Variants in SMOC2 observed in about 807,000 individuals in gnomAD.
SMOC2 encodes the protein SPARC-related modular calcium-binding protein 2.
SMOC2 carries 39 observed loss-of-function variants against 61.4 expected under a neutral mutation model. That is an observed-to-expected ratio of 0.64 (90% CI 0.49 to 0.83). The LOEUF is 0.83. Ranked by LOEUF, SMOC2 falls within the 40% of genes least tolerant of loss-of-function variation. The pLI, the probability that SMOC2 is intolerant of heterozygous loss-of-function variation, is 0.00. For synonymous variants in SMOC2, 247 were observed against 239.9 expected (o/e 1.03, Z -0.27); for missense variants, 556 against 592.9 (o/e 0.94, Z 0.65).
intron 2 of SMOC2, among the ~76,000 whole-genome samples, chr6:168,518,014 T>A (rs1783186282): frequency 6.6e-6 from 1 of 152,100 alleles, no homozygotes; most frequent in Admixed American, 6.5e-5. Context: ...TCTCTGGAGG[T>A]TTTCCCATCG....
intron 9 of SMOC2, among the ~76,000 whole-genome samples, chr6:168,636,449 G>A (rs1786722397): frequency 6.6e-6 from 1 of 152,244 alleles, no homozygotes; most frequent in Non-Finnish European, 1.5e-5. Flanking sequence ...GTTGGTTGTA[G>A]ATGCCAGTGT....
chr6:168,645,481 G>C (rs1016813065), intron 9 of SMOC2, among the ~76,000 whole-genome samples: 5 of 152,206 alleles, frequency 3.3e-5, no homozygotes, highest in African/African-American at 1.2e-4. Context: ...GTTCACCTGA[G>C]TTCCTCTCCT....
chr6:168,462,003 G>T (rs1449195961), intron 1 of SMOC2, among the ~76,000 whole-genome samples: 1 of 152,190 alleles, frequency 6.6e-6, no homozygotes, highest in African/African-American at 2.4e-5. Flanking sequence ...AGTTTCTACT[G>T]GAGGAGGGCT....
intron 4 of SMOC2, among the ~76,000 whole-genome samples, chr6:168,540,874 A>G (rs1395316966): frequency 6.6e-6 from 1 of 152,154 alleles, no homozygotes; most frequent in Non-Finnish European, 1.5e-5. Context: ...GACTCCCTGC[A>G]GGGAGCTGCC....
chr6:168,482,458 C>T (rs537243231), intron 1 of SMOC2, among the ~76,000 whole-genome samples: 1 of 152,206 alleles, frequency 6.6e-6, no homozygotes, highest in African/African-American at 2.4e-5. Flanking sequence ...CTGTGGACCT[C>T]ACGGCTTCAC....
intron 1 of SMOC2, among the ~76,000 whole-genome samples, chr6:168,464,755 A>C (rs1280754442): frequency 2.0e-5 from 3 of 152,308 alleles, no homozygotes; most frequent in South Asian, 2.1e-4. Context: ...TTCTCTCCAG[A>C]TTGTGCTAGT....
At chr6:168,543,135 G>A (rs555758151) in intron 4 of SMOC2, among the ~76,000 whole-genome samples, 1 of 152,096 alleles carries the variant, frequency 6.6e-6, no homozygotes, top group Non-Finnish European at 1.5e-5. Flanking sequence ...TTTAAACTTG[G>A]TCACACATTA....
intron 4 of SMOC2, among the ~76,000 whole-genome samples, chr6:168,528,828 G>C (rs1240026385): frequency 6.6e-6 from 1 of 152,216 alleles, no homozygotes; most frequent in Non-Finnish European, 1.5e-5. Flanking sequence ...ATACCTAATA[G>C]TTCTGTTGCA....
rs778766685 is a variant in SMOC2, at chr6:168,441,336, G to C, written c.-35G>C. On this transcript the variant is annotated 5_prime_UTR_variant, in exon 1 of 13. Coordinates refer to ENST00000356284, the MANE Select transcript of SMOC2 (RefSeq NM_001166412.2). The stretch of plus-strand genomic sequence containing the variant: ...CGGCTGCAGTGCCAGGGCGCAGGAC[G>C]CGGCCGATCTCCCGCTCCCGCCACC... 1 of 1,496,014 alleles carries C rather than the reference G, an allele frequency of 6.7e-7. No individual in the cohort carries two copies. The highest frequency in any genetic ancestry group is 1.2e-5 in the South Asian group (1 of 80,236). 92.7% of individuals were successfully genotyped at this position (1,496,014 alleles called of 1,614,324 possible). A position where few individuals can be genotyped will look rare whatever the true frequency, so the allele number is the denominator to read the frequency against.
In SMOC2 at chr6:168,490,685, G is replaced by T. The variant is rs377315060; in HGVS notation, c.85-19230G>T. Reference sequence around the variant, plus strand: ...ACACCTTGGGTGTTTAGAGACAGCAGGTCAGTGCACCTGCCATGATGCCAG... The same window carrying T: ...ACACCTTGGGTGTTTAGAGACAGCATGTCAGTGCACCTGCCATGATGCCAG... On this transcript the variant is annotated intron_variant, in intron 1 of 12. Transcript: ENST00000356284. Among the ~76,000 whole-genome samples the T allele has an allele frequency of 9.8e-5, 15 of 152,316 alleles. No individual in the cohort carries two copies. In the East Asian group the frequency reaches 2.9e-3, roughly 29 times the overall value.
chr6:168,467,136 AACACAC>A (rs10536582), intron 1 of SMOC2, among the ~76,000 whole-genome samples: 2,269 of 133,392 alleles, frequency 0.017, 15 homozygotes, highest in Middle Eastern at 0.028. Flanking sequence ...AGTGCTCTCA[AACACAC>A]ACACACACAC....
At chr6:168,527,572 G>A (rs1162993154) in intron 3 of SMOC2, 56 bp from the exon 4 acceptor site, 15 of 1,314,032 alleles carry the variant, frequency 1.1e-5, no homozygotes, top group African/African-American at 1.5e-5. Flanking sequence ...CCTCGCAGCC[G>A]TGAGGCGCTG....
chr6:168,503,543 G>T (rs115294691), intron 1 of SMOC2, among the ~76,000 whole-genome samples: 1 of 152,118 alleles, frequency 6.6e-6, no homozygotes, highest in Non-Finnish European at 1.5e-5. Context: ...CATGGTACTC[G>T]TCCACATATG....
chr6:168,521,127 C>T (rs1349853752), intron 2 of SMOC2, among the ~76,000 whole-genome samples: 6 of 152,190 alleles, frequency 3.9e-5, no homozygotes, highest in Non-Finnish European at 7.3e-5. Flanking sequence ...GTGAGCATCA[C>T]ATTTTAATGG....
chr6:168,455,103 C>A (rs775395800), intron 1 of SMOC2, among the ~76,000 whole-genome samples: 1 of 151,958 alleles, frequency 6.6e-6, no homozygotes, highest in Admixed American at 6.6e-5. Flanking sequence ...GGAGTGAGGA[C>A]GGGCTGCCAT....
At chr6:168,469,889 T>C (rs138604288) in intron 1 of SMOC2, among the ~76,000 whole-genome samples, 2 of 152,404 alleles carry the variant, frequency 1.3e-5, no homozygotes, top group African/African-American at 4.8e-5. Context: ...TCTTTCTCGT[T>C]GTCTTGGGTT....
chr6:168,493,119 C>T (rs561708465), intron 1 of SMOC2, among the ~76,000 whole-genome samples: 11 of 152,190 alleles, frequency 7.2e-5, no homozygotes, highest in African/African-American at 2.4e-4. Context: ...TCACTGCATC[C>T]TCTGCCTCCT....
chr6:168,537,949 C>A (rs1783771410), intron 4 of SMOC2, among the ~76,000 whole-genome samples: 1 of 152,204 alleles, frequency 6.6e-6, no homozygotes, highest in African/African-American at 2.4e-5. Flanking sequence ...CACTTCCTCA[C>A]CCTGGAATCT....
intron 4 of SMOC2, among the ~76,000 whole-genome samples, chr6:168,534,049 T>A (rs528882659): frequency 5.4e-4 from 82 of 152,148 alleles, no homozygotes; most frequent in Non-Finnish European, 1.0e-3. Flanking sequence ...AGTTTGAGAC[T>A]GGCCTGTGCA....
Sources: allele counts gnomAD v4.1 joint callset (sites outside exome capture counted in the v4.1 genomes callset), GRCh38; gene constraint gnomAD v4.1.1; transcripts MANE v1.5; gene names NCBI Gene and HGNC (gene_info 2026-07-23, HGNC 2026-07-21).